The following ABHD6 variants were observed in gnomAD, a reference collection of about 807,000 sequenced individuals.
The protein encoded by ABHD6 is monoacylglycerol lipase ABHD6.
A neutral mutation model predicts 38.8 loss-of-function variants in ABHD6; 33 were observed. The ratio of observed to expected loss-of-function variants is 0.85; its 90% CI spans 0.64 to 1.14. ABHD6 has a LOEUF of 1.14. Ranked by LOEUF, ABHD6 falls within the 50% of genes most tolerant of loss-of-function variation. ABHD6 has a pLI of 0.00. For synonymous variants in ABHD6, 147 were observed against 161.6 expected (o/e 0.91, Z 0.69); for missense variants, 380 against 422.6 (o/e 0.90, Z 0.88).
chr3:58,241,480 C>A (rs1045372819), intron 1 of ABHD6, among the ~76,000 whole-genome samples: 1 of 152,160 alleles, frequency 6.6e-6, no homozygotes, highest in South Asian at 2.1e-4. Context: ...GGCAGAGGTT[C>A]TTACACTGCT....
At chr3:58,283,685 G>A (rs2097454914) in intron 7 of ABHD6, among the ~76,000 whole-genome samples, 1 of 152,172 alleles carries the variant, frequency 6.6e-6, no homozygotes, top group Admixed American at 6.5e-5. Context: ...TGGATGGATG[G>A]GAGGATATCT....
intron 5 of ABHD6, among the ~76,000 whole-genome samples, chr3:58,270,449 G>A (rs1191789531): frequency 6.9e-6 from 1 of 144,678 alleles, no homozygotes; most frequent in African/African-American, 2.6e-5. Flanking sequence ...TTACTCTCTG[G>A]ACCTTTATAG....
At position 58,285,243 on chromosome 3, in the gene ABHD6, C is replaced by T. The variant is rs2097456062; in HGVS notation, c.736+104C>T. The T allele has an allele frequency of 1.3e-6, 2 of 1,512,750 alleles. No individual in the cohort carries two copies. Among genetic ancestry groups the T allele is most frequent in the Non-Finnish European group, 9.2e-7 (1 of 1,088,380 alleles). The allele number at this position is 1,512,750 out of a possible 1,614,324, so 93.7% of individuals were successfully genotyped here. On this transcript the variant is annotated intron_variant, in intron 8 of 9. Coordinates refer to ENST00000478253, the MANE Select transcript of ABHD6 (RefSeq NM_001320126.2). The surrounding 1 kb of genome is among the most constrained non-coding windows in gnomAD (Gnocchi z 4.9). Reference sequence around the variant, plus strand: ...TGACACTTTGAATGTCTCTTTGGGCCCCTGAAGAGAGGAAGTGGTGGCCTG... The same window carrying T: ...TGACACTTTGAATGTCTCTTTGGGCTCCTGAAGAGAGGAAGTGGTGGCCTG...
rs2097458571 is a variant in ABHD6, at chr3:58,287,772, CT to C, written c.837+2320del. Reference sequence around the variant, plus strand: ...GAAGCAAGGGCACTGGCCTTGGATTCTGAAAGTCTATGTTCCAGCCCTACTT... The same window carrying C: ...GAAGCAAGGGCACTGGCCTTGGATTCGAAAGTCTATGTTCCAGCCCTACTT... On this transcript the variant is annotated intron_variant, in intron 9 of 9. Coordinates refer to ENST00000478253, the MANE Select transcript of ABHD6 (RefSeq NM_001320126.2). The surrounding 1 kb of genome is among the most constrained non-coding windows in gnomAD (Gnocchi z 4.7). 6.6e-6 allele frequency among the ~76,000 whole-genome samples: 1 copy of C among 152,242 alleles called. No homozygotes were observed. The highest frequency in any genetic ancestry group is 2.4e-5 in the African/African-American group (1 of 41,462).
rs2097434046 is a variant in ABHD6, at chr3:58,257,250, A to C, written c.119+545A>C. Among the ~76,000 whole-genome samples, 1 of 152,050 alleles carries C rather than the reference A, an allele frequency of 6.6e-6. No individual in the cohort carries two copies. On this transcript the variant is annotated intron_variant, in intron 3 of 9. Coordinates refer to ENST00000478253, the MANE Select transcript of ABHD6 (RefSeq NM_001320126.2). The surrounding 1 kb of genome is among the most constrained non-coding windows in gnomAD (Gnocchi z 4.8). ...CATCTTTCTCCACCCACATTCCCAA[A>C]GTCAGTGATTCTGTCTTCAAGCAAG...
In ABHD6 at chr3:58,274,857, G is replaced by GC. The variant is rs747222035; in HGVS notation, c.681+45dup. 3.1e-5 allele frequency: 50 copies of GC among 1,593,986 alleles called. No individual in the cohort carries two copies. In the African/African-American group the frequency reaches 6.3e-4, roughly 20 times the overall value. On this transcript the variant is annotated intron_variant, in intron 7 of 9. Coordinates refer to ENST00000478253, the MANE Select transcript of ABHD6 (RefSeq NM_001320126.2). ...AGCGACACAACTACCCTCCCCAGAG[G>GC]CCCGGGGGCGAGTACCAGCTTCCTG...
At position 58,256,099 on chromosome 3, in the gene ABHD6, A is replaced by ACACACACAGACG. The variant is rs1183638267; in HGVS notation, c.-25-455_-25-454insGACGCACACACA. On this transcript the variant is annotated intron_variant, in intron 2 of 9. Transcript: ENST00000478253. The surrounding 1 kb of genome is among the most constrained non-coding windows in gnomAD (Gnocchi z 4.3). ...CCAACACACACACACACACACACAC[A>ACACACACAGACG]CACACACACATACACACACTACTTT... 4.0e-5 allele frequency among the ~76,000 whole-genome samples: 4 copies of ACACACACAGACG among 100,074 alleles called. No homozygotes were observed. Among genetic ancestry groups the ACACACACAGACG allele is most frequent in the African/African-American group, 2.4e-4 (4 of 17,012 alleles). The allele number at this position is 100,074 out of a possible 152,430, so 65.7% of individuals were successfully genotyped here. A position where few individuals can be genotyped will look rare whatever the true frequency, so the allele number is the denominator to read the frequency against.
rs1229956198 is a variant in ABHD6 at position 58,251,985 on chromosome 3, AG to A, written c.-26+2044del. Among the ~76,000 whole-genome samples, 4 of 152,110 alleles carry A rather than the reference AG, an allele frequency of 2.6e-5. No homozygotes were observed. Among genetic ancestry groups the A allele is most frequent in the Admixed American group, 6.6e-5 (1 of 15,256 alleles). ...ATTCCAGAAATGTTTAAGTCACCAA[AG>A]TAAGAAAGAACAGACATGACTATTT... On this transcript the variant is annotated intron_variant, in intron 2 of 9. Transcript: ENST00000478253. This position sits in a 1 kb window ranked among gnomAD's most constrained non-coding sequence, Gnocchi z 5.4.
rs750791432 is a variant in ABHD6 at position 58,238,960 on chromosome 3, C to A, written c.-91+1044C>A. Among the ~76,000 whole-genome samples, 1 of 152,042 alleles carries A rather than the reference C, an allele frequency of 6.6e-6. No individual in the cohort carries two copies. The highest frequency in any genetic ancestry group is 1.5e-5 in the Non-Finnish European group (1 of 68,010). ...CTTGTGTGCCAGGCCCTGTCCTAAG[C>A]CCCTTAAAAGAATTACCTGCCATAC... On this transcript the variant is annotated intron_variant, in intron 1 of 9. Coordinates refer to ENST00000478253, the MANE Select transcript of ABHD6 (RefSeq NM_001320126.2). The surrounding 1 kb of genome is among the most constrained non-coding windows in gnomAD (Gnocchi z 6.9).
intron 6 of ABHD6, among the ~76,000 whole-genome samples, chr3:58,271,320 AACATTT>A (rs2097444695): frequency 8.9e-6 from 1 of 112,164 alleles, no homozygotes. Context: ...CATGCCTGTA[AACATTT>A]AAAATTTAAA....
At chr3:58,276,618 A>G (rs1288388227) in intron 7 of ABHD6, among the ~76,000 whole-genome samples, 2 of 152,110 alleles carry the variant, frequency 1.3e-5, no homozygotes, top group African/African-American at 4.8e-5. Flanking sequence ...CTTTAGTTTA[A>G]TTAGATCCCA....
chr3:58,279,025 G>C (rs1481640034), intron 7 of ABHD6, among the ~76,000 whole-genome samples: 1 of 152,166 alleles, frequency 6.6e-6, no homozygotes, highest in Non-Finnish European at 1.5e-5. Flanking sequence ...TTCCAATTAT[G>C]TGGTCAATTT....
intron 7 of ABHD6, among the ~76,000 whole-genome samples, chr3:58,278,074 G>A (rs1380620007): frequency 6.6e-6 from 1 of 152,006 alleles, no homozygotes; most frequent in African/African-American, 2.4e-5. Flanking sequence ...CTCTTTTTTT[G>A]TTGTGTCTCT....
chr3:58,289,891 G>A lies in ABHD6; in HGVS notation c.838-3698G>A, dbSNP rs1295939078. Among the ~76,000 whole-genome samples, 14 of 143,848 alleles carry A rather than the reference G, an allele frequency of 9.7e-5. No homozygotes were observed. In the East Asian group the frequency reaches 2.5e-3, roughly 26 times the overall value. The allele number at this position is 143,848 out of a possible 152,430, so 94.4% of individuals were successfully genotyped here. A position where few individuals can be genotyped will look rare whatever the true frequency, so the allele number is the denominator to read the frequency against. On this transcript the variant is annotated intron_variant, in intron 9 of 9. Coordinates refer to ENST00000478253, the MANE Select transcript of ABHD6 (RefSeq NM_001320126.2). The stretch of plus-strand genomic sequence containing the variant: ...TGACCCCCCCACCTCCCTCCCGGAC[G>A]GGGTGGCTGGCCGGGCAGAGGGGCT...
Position 58,269,238 on chromosome 3 carries a change from TG to T in ABHD6, c.277-82del. On this transcript the variant is annotated intron_variant, in intron 4 of 9. Coordinates refer to ENST00000478253, the MANE Select transcript of ABHD6 (RefSeq NM_001320126.2). This position sits in a 1 kb window ranked among gnomAD's most constrained non-coding sequence, Gnocchi z 4.4. ...CCCCAGGGATGGCTGTCTGGGTCAC[TG>T]TACATGGGGCAACCTCCCAAGAAAA... 1 of 1,000,418 alleles carries T rather than the reference TG, an allele frequency of 1.0e-6. No homozygotes were observed. 62.0% of individuals were successfully genotyped at this position (1,000,418 alleles called of 1,614,324 possible).
chr3:58,244,797 A>G (rs908721271), intron 1 of ABHD6, among the ~76,000 whole-genome samples: 1 of 152,114 alleles, frequency 6.6e-6, no homozygotes, highest in African/African-American at 2.4e-5. Context: ...TGTAATTGTA[A>G]CCTAAATTTT....
chr3:58,239,778 T>C (rs138580333), intron 1 of ABHD6, among the ~76,000 whole-genome samples: 339 of 152,070 alleles, frequency 2.2e-3, no homozygotes, highest in African/African-American at 7.4e-3. Context: ...GCAGTATGCG[T>C]TGGGTGAGGT....
chr3:58,252,074 G>A (rs749575466), intron 2 of ABHD6, among the ~76,000 whole-genome samples: 2 of 152,138 alleles, frequency 1.3e-5, no homozygotes, highest in Non-Finnish European at 2.9e-5. Flanking sequence ...GAAGAGCCAC[G>A]ATGGAGAGGG....
rs7615294 is a variant in ABHD6, at chr3:58,293,058, C to A, written c.838-531C>A. The stretch of plus-strand genomic sequence containing the variant: ...ACACAGCCTGTGGTTCCCCATGGTC[C>A]GTGTGGCTGTAGGAGCAGCGCCCTC... On this transcript the variant is annotated intron_variant, in intron 9 of 9. Coordinates refer to ENST00000478253, the MANE Select transcript of ABHD6 (RefSeq NM_001320126.2). This position sits in a 1 kb window ranked among gnomAD's most constrained non-coding sequence, Gnocchi z 4.4. 0.23 allele frequency among the ~76,000 whole-genome samples: 34,815 copies of A among 152,040 alleles called. 5,842 individuals are homozygous for A. Among genetic ancestry groups the A allele is most frequent in the East Asian group, 0.78 (4,027 of 5,144 alleles).
Sources: gnomAD v4.1 joint callset for allele counts (sites outside exome capture counted in the v4.1 genomes callset) on GRCh38, gnomAD v4.1.1 for gene constraint, Gnocchi (gnomAD v3.1) non-coding constraint, MANE v1.5 for transcripts, NCBI Gene and HGNC (gene_info 2026-07-23, HGNC 2026-07-21) for gene names.